The following TENM2 variants were observed in gnomAD, a reference collection of about 807,000 sequenced individuals.
TENM2 encodes the protein teneurin-2.
Under a neutral mutation model 245.2 loss-of-function variants are expected in TENM2, and 52 were observed. The observed-to-expected ratio is 0.21, with a 90% CI of 0.17 to 0.27. TENM2 has a LOEUF of 0.27. Among genes scored for constraint, TENM2 ranks in the 10% least tolerant of loss-of-function variants. The probability of loss-of-function intolerance (pLI) is 1.00; values close to 1 mark genes in which losing one functional copy is unlikely to be tolerated. For missense variants in TENM2, 3,046 were observed against 3,666.8 expected (o/e 0.83, Z 4.37); for synonymous variants, 1,363 against 1,438.9 (o/e 0.95, Z 1.19).
intron 2 of TENM2, among the ~76,000 whole-genome samples, chr5:167,560,705 T>G (rs1773531091): frequency 6.6e-6 from 1 of 152,216 alleles, no homozygotes; most frequent in African/African-American, 2.4e-5. Flanking sequence ...TGCTAATTGG[T>G]TCACAGAGAG....
At chr5:167,597,921 G>A (rs990688635) in intron 2 of TENM2, among the ~76,000 whole-genome samples, 3 of 152,074 alleles carry the variant, frequency 2.0e-5, no homozygotes, top group Non-Finnish European at 1.5e-5. Flanking sequence ...TTACTGCCTG[G>A]CATATTCTGA....
At chr5:167,486,392 C>T (rs1339434558) in intron 2 of TENM2, among the ~76,000 whole-genome samples, 1 of 151,052 alleles carries the variant, frequency 6.6e-6, no homozygotes. Flanking sequence ...GCAGTGGCGC[C>T]ATCTCGGCTT....
At chr5:167,267,750 T>C in the TENM2 span, among the ~76,000 whole-genome samples, 1 of 152,190 alleles carries the variant, frequency 6.6e-6, no homozygotes, top group Non-Finnish European at 1.5e-5. Context: ...ATGGTATACC[T>C]TAAGGGATCC....
intron 2 of TENM2, among the ~76,000 whole-genome samples, chr5:167,512,946 A>G (rs895297475): frequency 1.3e-5 from 2 of 152,208 alleles, no homozygotes; most frequent in Non-Finnish European, 2.9e-5. Flanking sequence ...TTAAATTATA[A>G]TTGATTAGTA....
intron 2 of TENM2, among the ~76,000 whole-genome samples, chr5:167,697,372 T>A (rs1265928406): frequency 6.6e-6 from 1 of 152,188 alleles, no homozygotes; most frequent in Non-Finnish European, 1.5e-5. Flanking sequence ...TATTTCGAAT[T>A]GTAATCACGT....
Position 168,198,257 on chromosome 5 carries a change from G to A in TENM2, c.2901-596G>A, listed in dbSNP as rs932606900. Among the ~76,000 whole-genome samples, 4 of 143,290 alleles carry A rather than the reference G, an allele frequency of 2.8e-5. No individual in the cohort carries two copies. In the Admixed American group the frequency reaches 2.9e-4, roughly 10 times the overall value. 94.0% of individuals were successfully genotyped at this position (143,290 alleles called of 152,430 possible). On this transcript the variant is annotated intron_variant, in intron 15 of 28. Coordinates refer to ENST00000518659, the Ensembl canonical transcript of TENM2. Reference sequence around the variant, plus strand: ...ATCACCCAGGCTGGAGTACAGTGGCGCAATCTCGGCCCACTGCAACCTCCA... The same window carrying A: ...ATCACCCAGGCTGGAGTACAGTGGCACAATCTCGGCCCACTGCAACCTCCA...
chr5:167,764,541 A>T (rs1045211291), intron 2 of TENM2, among the ~76,000 whole-genome samples: 1 of 152,178 alleles, frequency 6.6e-6, no homozygotes, highest in Non-Finnish European at 1.5e-5. Flanking sequence ...AGCTAGAGAG[A>T]GTTCCCACTC....
At chr5:167,177,997 T>G in the TENM2 span, among the ~76,000 whole-genome samples, 1 of 152,194 alleles carries the variant, frequency 6.6e-6, no homozygotes, top group African/African-American at 2.4e-5. Flanking sequence ...GATCATATCC[T>G]CAGACCTTAT....
At chr5:168,061,260 T>C (rs1285795338) in intron 6 of TENM2, among the ~76,000 whole-genome samples, 1 of 152,302 alleles carries the variant, frequency 6.6e-6, no homozygotes, top group Non-Finnish European at 1.5e-5. Flanking sequence ...CTCTCAGAGA[T>C]TGATTAACTT....
At chr5:167,476,681 C>T (rs1767405156) in intron 2 of TENM2, among the ~76,000 whole-genome samples, 1 of 152,124 alleles carries the variant, frequency 6.6e-6, no homozygotes, top group Non-Finnish European at 1.5e-5. Flanking sequence ...TCACTGCAAC[C>T]TCTGCTGCCT....
intron 23 of TENM2, among the ~76,000 whole-genome samples, 162 bp from the exon 26 acceptor site, chr5:168,225,926 G>A (rs1453056358): frequency 1.3e-5 from 2 of 152,016 alleles, no homozygotes; most frequent in Non-Finnish European, 2.9e-5. Context: ...TGTTTCTCCG[G>A]GCATAATAGG....
intron 11 of TENM2, among the ~76,000 whole-genome samples, chr5:168,125,809 T>C (rs975551423): frequency 6.6e-6 from 1 of 152,104 alleles, no homozygotes; most frequent in African/African-American, 2.4e-5. Flanking sequence ...CTCAGCCCAC[T>C]TGACTCTGGC....
chr5:167,999,859 C>A (rs1417450350), intron 5 of TENM2, among the ~76,000 whole-genome samples: 2 of 152,148 alleles, frequency 1.3e-5, no homozygotes, highest in Non-Finnish European at 2.9e-5. Flanking sequence ...TAATACAGAG[C>A]CAGAGAGGAG....
At chr5:168,233,301 G>A (rs1170969358) in intron 25 of TENM2, among the ~76,000 whole-genome samples, 1 of 152,144 alleles carries the variant, frequency 6.6e-6, no homozygotes, top group African/African-American at 2.4e-5. Context: ...ACTCCAGTCT[G>A]GCAGCAGAGT....
chr5:168,108,756 A>G (rs1581330483), intron 9 of TENM2, among the ~76,000 whole-genome samples: 1 of 152,102 alleles, frequency 6.6e-6, no homozygotes, highest in Admixed American at 6.6e-5. Context: ...GAAGTCCCCA[A>G]CAATAAGTAC....
the TENM2 span, among the ~76,000 whole-genome samples, chr5:167,157,882 T>C: frequency 9.9e-5 from 15 of 152,172 alleles, no homozygotes; most frequent in Admixed American, 9.8e-4. Flanking sequence ...TTGAGCTCTG[T>C]AATGAAATAA....
chr5:167,477,055 A>C (rs1443180363), intron 2 of TENM2, among the ~76,000 whole-genome samples: 1 of 152,248 alleles, frequency 6.6e-6, no homozygotes, highest in Non-Finnish European at 1.5e-5. Flanking sequence ...GAACTAAAAC[A>C]ATCATACAAA....
chr5:167,943,833 C>CT (rs1779382616), intron 3 of TENM2, among the ~76,000 whole-genome samples: 1 of 152,138 alleles, frequency 6.6e-6, no homozygotes, highest in South Asian at 2.1e-4. Flanking sequence ...AAAATCATTA[C>CT]TTTCTACTGA....
At chr5:167,021,471 A>T in the TENM2 span, among the ~76,000 whole-genome samples, 1 of 152,238 alleles carries the variant, frequency 6.6e-6, no homozygotes, top group African/African-American at 2.4e-5. Context: ...TCATAAAGCC[A>T]GTCACTTTAT....
Sources: allele counts gnomAD v4.1 joint callset (sites outside exome capture counted in the v4.1 genomes callset), GRCh38; gene constraint gnomAD v4.1.1; transcripts MANE v1.5; gene names NCBI Gene and HGNC (gene_info 2026-07-23, HGNC 2026-07-21).